Variants in CCSER2 observed in about 807,000 individuals in gnomAD.
CCSER2 encodes the protein coiled-coil serine rich protein 2.
In CCSER2, 46 loss-of-function variants were observed where a neutral mutation model predicts 92.3. The observed-to-expected ratio is 0.50, with a 90% CI of 0.39 to 0.64. The LOEUF (loss-of-function observed/expected upper bound fraction) is 0.64. Among genes scored for constraint, CCSER2 ranks in the 30% least tolerant of loss-of-function variants. The pLI is 0.00. For missense variants in CCSER2, 1,244 were observed against 1,238.9 expected (o/e 1.00, Z -0.06); for synonymous variants, 433 against 431.4 (o/e 1.00, Z -0.04).
intron 6 of CCSER2, among the ~76,000 whole-genome samples, chr10:84,448,196 A>G (rs1845048213): frequency 6.6e-6 from 1 of 152,086 alleles, no homozygotes; most frequent in Admixed American, 6.6e-5. Context: ...GAAACCTGGC[A>G]TTGAGCCCTT....
intron 1 of CCSER2, among the ~76,000 whole-genome samples, chr10:84,363,459 G>A (rs558460984): frequency 2.2e-4 from 33 of 152,228 alleles, no homozygotes; most frequent in African/African-American, 7.2e-4. Context: ...GCAGATTTCC[G>A]AAGTAACTGC....
chr10:84,401,375 C>G (rs1444975145), intron 3 of CCSER2, among the ~76,000 whole-genome samples: 1 of 152,120 alleles, frequency 6.6e-6, no homozygotes, highest in Non-Finnish European at 1.5e-5. Context: ...CCGCTACAAA[C>G]TCCACAGACA....
At chr10:84,499,924 G>A (rs779389949) in intron 9 of CCSER2, 12 of 1,613,760 alleles carry the variant, frequency 7.4e-6, no homozygotes, top group Non-Finnish European at 1.0e-5. Flanking sequence ...TCCTTCCAGG[G>A]GATCCCACGG....
intron 3 of CCSER2, among the ~76,000 whole-genome samples, chr10:84,395,923 C>T (rs561621181): frequency 1.6e-4 from 25 of 152,154 alleles, no homozygotes; most frequent in South Asian, 1.2e-3. Context: ...TAGGTGTGTT[C>T]GTTGCTACTG....
chr10:84,496,799 T>C (rs952213289), intron 9 of CCSER2, among the ~76,000 whole-genome samples: 1 of 152,172 alleles, frequency 6.6e-6, no homozygotes, highest in Admixed American at 6.5e-5. Context: ...TTAGGATACA[T>C]TAGGCAAAAA....
At chr10:84,448,487 C>G (rs1232010652) in intron 6 of CCSER2, among the ~76,000 whole-genome samples, 1 of 152,046 alleles carries the variant, frequency 6.6e-6, no homozygotes, top group Non-Finnish European at 1.5e-5. Context: ...TCCTGCTGGG[C>G]TTTTGGGGTG....
At position 84,493,010 on chromosome 10, in the gene CCSER2, T is replaced by C. The variant is rs1848256864; in HGVS notation, c.2325+15346T>C. Among the ~76,000 whole-genome samples the C allele has an allele frequency of 2.0e-5, 3 of 152,326 alleles. No individual in the cohort carries two copies. In the South Asian group the frequency reaches 6.2e-4, roughly 32 times the overall value. Reference sequence around the variant, plus strand: ...GAAGGTGTTTTCTTCTCGTCTGCTTTATGGAAGAGATAGTGTAGAATTAAT... The same window carrying C: ...GAAGGTGTTTTCTTCTCGTCTGCTTCATGGAAGAGATAGTGTAGAATTAAT... On this transcript the variant is annotated intron_variant, in intron 9 of 9. Coordinates refer to ENST00000372088, the MANE Select transcript of CCSER2 (RefSeq NM_001284240.2).
intron 9 of CCSER2, among the ~76,000 whole-genome samples, chr10:84,502,881 T>A (rs895903541): frequency 6.6e-6 from 1 of 152,174 alleles, no homozygotes; most frequent in South Asian, 2.1e-4. Flanking sequence ...TTAGCCCTCG[T>A]CACTCTAGAA....
chr10:84,374,522 A>G (rs1846230565), intron 3 of CCSER2, among the ~76,000 whole-genome samples: 1 of 152,136 alleles, frequency 6.6e-6, no homozygotes, highest in Non-Finnish European at 1.5e-5. Context: ...ATTGGCCTGC[A>G]GGCAACACTT....
chr10:84,416,413 A>G (rs1210486066), intron 3 of CCSER2, among the ~76,000 whole-genome samples: 1 of 152,102 alleles, frequency 6.6e-6, no homozygotes, highest in African/African-American at 2.4e-5. Flanking sequence ...GTTTGCTTTA[A>G]ATGTGTACAG....
intron 1 of CCSER2, among the ~76,000 whole-genome samples, chr10:84,360,819 G>A (rs1285416958): frequency 6.6e-6 from 1 of 152,204 alleles, no homozygotes; most frequent in East Asian, 1.9e-4. Flanking sequence ...AGTCTTCCGG[G>A]TGATTCTGAT....
intron 1 of CCSER2, among the ~76,000 whole-genome samples, chr10:84,365,605 T>C (rs1210293765): frequency 6.6e-6 from 1 of 152,212 alleles, no homozygotes; most frequent in Non-Finnish European, 1.5e-5. Context: ...CATTATTCTT[T>C]TCCCCCACAA....
At chr10:84,347,351 G>A (rs74453444) in intron 1 of CCSER2, among the ~76,000 whole-genome samples, 2,904 of 152,148 alleles carry the variant, frequency 0.019, 90 homozygotes, top group Admixed American at 0.072. Flanking sequence ...CAGAAGGGGC[G>A]GCCGGGCAGA....
At position 84,404,556 on chromosome 10, in the gene CCSER2, T is replaced by C. The variant is rs1054252391; in HGVS notation, c.1615-13215T>C. On this transcript the variant is annotated intron_variant, in intron 3 of 9. Transcript: ENST00000372088. Reference sequence around the variant, plus strand: ...TAGTGCTTGTTTAGGACAAACCTGGTGGGCCACCACAGTCGAGCATGTTTG... The same window carrying C: ...TAGTGCTTGTTTAGGACAAACCTGGCGGGCCACCACAGTCGAGCATGTTTG... Among the ~76,000 whole-genome samples the C allele has an allele frequency of 9.8e-5, 15 of 152,332 alleles. No individual in the cohort carries two copies. The South Asian group carries it at 3.1e-3, about 32-fold the overall frequency.
intron 1 of CCSER2, 85 bp from the exon 2 acceptor site, chr10:84,370,929 A>AT: frequency 1.7e-6 from 1 of 604,632 alleles, no homozygotes; most frequent in East Asian, 3.1e-5. Context: ...TCTGCGTATA[A>AT]AAGTGTAAGT....
intron 9 of CCSER2, among the ~76,000 whole-genome samples, chr10:84,478,593 GA>G (rs1310283651): frequency 6.6e-6 from 1 of 152,116 alleles, no homozygotes; most frequent in African/African-American, 2.4e-5. Flanking sequence ...ACAATGGTAG[GA>G]ATTAATTTAT....
intron 3 of CCSER2, among the ~76,000 whole-genome samples, chr10:84,380,980 G>T (rs568601880): frequency 1.3e-5 from 2 of 152,120 alleles, no homozygotes; most frequent in South Asian, 2.1e-4. Context: ...ATCCCAGGGC[G>T]TGAGCCACCA....
intron 6 of CCSER2, among the ~76,000 whole-genome samples, chr10:84,442,172 T>C (rs1331782618): frequency 6.6e-6 from 1 of 151,732 alleles, no homozygotes; most frequent in Non-Finnish European, 1.5e-5. Flanking sequence ...ACAAGACAAA[T>C]TCAGAAGGTT....
Position 84,516,650 on chromosome 10 carries a change from G to A in CCSER2, c.*2383G>A, listed in dbSNP as rs1371407481. 1.3e-5 allele frequency: 2 copies of A among 152,046 alleles called. No individual in the cohort carries two copies. Among genetic ancestry groups the A allele is most frequent in the Non-Finnish European group, 2.9e-5 (2 of 68,018 alleles). 9.4% of individuals were successfully genotyped at this position (152,046 alleles called of 1,614,324 possible). ...TTATTTTTAATTCCCTAGTCTGAGG[G>A]AAATGTCTTTATTGTCCATTACATA... On this transcript the variant is annotated 3_prime_UTR_variant, in exon 10 of 10. Transcript: ENST00000372088.
Sources: gnomAD v4.1 joint callset for allele counts (sites outside exome capture counted in the v4.1 genomes callset) on GRCh38, gnomAD v4.1.1 for gene constraint, MANE v1.5 for transcripts, NCBI Gene and HGNC (gene_info 2026-07-23, HGNC 2026-07-21) for gene names.